TMEM52B: variants seen among roughly 807,000 people sequenced by gnomAD.
The protein encoded by TMEM52B is chromosome 12 open reading frame 59.
A neutral mutation model predicts 16.1 loss-of-function variants in TMEM52B; 11 were observed. The ratio of observed to expected loss-of-function variants is 0.68; its 90% CI spans 0.43 to 1.13. The LOEUF (loss-of-function observed/expected upper bound fraction) is 1.13, where lower values mean the gene tolerates loss of function less well. Ranked by LOEUF, TMEM52B falls within the 50% of genes most tolerant of loss-of-function variation. The probability of loss-of-function intolerance (pLI) is 0.00; values close to 1 mark genes in which losing one functional copy is unlikely to be tolerated. For missense variants in TMEM52B, 243 were observed against 230.4 expected (o/e 1.05, Z -0.35); for synonymous variants, 101 against 93.8 (o/e 1.08, Z -0.45).
At position 10,190,296 on chromosome 12, in the gene TMEM52B, A is replaced by T. The variant is rs186650278; in HGVS notation, c.*156A>T. The T allele has an allele frequency of 1.6e-3, 1,492 of 946,124 alleles. 5 individuals carry two copies. Among genetic ancestry groups the T allele is most frequent in the Non-Finnish European group, 2.1e-3 (1,356 of 648,866 alleles). The allele number at this position is 946,124 out of a possible 1,614,324, so 58.6% of individuals were successfully genotyped here. On this transcript the variant is annotated 3_prime_UTR_variant, in exon 5 of 5. Transcript: ENST00000543484. ...TCTTACTCTTCGTTCACAGGCCTTT[A>T]TATCTTCCGATACAGAATGCTCTAA...
exon 1 of TMEM52B, chr12:10,170,583 C>G (rs1177396262): frequency 2.6e-5 from 4 of 151,318 alleles, no homozygotes; most frequent in Admixed American, 2.0e-4. Flanking sequence ...CCTCCGCCTC[C>G]TGGGTTCGAG....
upstream of TMEM52B, among the ~76,000 whole-genome samples, chr12:10,178,223 G>T (rs1243953390): frequency 6.7e-6 from 1 of 149,530 alleles, no homozygotes; most frequent in African/African-American, 2.4e-5. Context: ...TTGTTTCATT[G>T]TAAGTATTCT....
At chr12:10,172,397 G>A (rs1316427856) in intron 1 of TMEM52B, 1 of 205,820 alleles carries the variant, frequency 4.9e-6, no homozygotes, top group Non-Finnish European at 9.9e-6. Context: ...TTCAGAGACA[G>A]AAACTGAAAT....
At chr12:10,185,430 AC>A in intron 3 of TMEM52B, 62 bp downstream of exon 3, 1 of 1,238,108 alleles carries the variant, frequency 8.1e-7, no homozygotes, top group Middle Eastern at 1.9e-4. Flanking sequence ...AAAAATGACA[AC>A]CTGCCTACTT....
intron 1 of TMEM52B, among the ~76,000 whole-genome samples, chr12:10,173,210 C>T (rs892104838): frequency 6.6e-6 from 1 of 152,082 alleles, no homozygotes; most frequent in Non-Finnish European, 1.5e-5. Flanking sequence ...TTGACAACCT[C>T]CTAACCAGAT....
chr12:10,180,994 A>G (rs2931824), intron 1 of TMEM52B, among the ~76,000 whole-genome samples: 18,285 of 151,940 alleles, frequency 0.12, 1,213 homozygotes, highest in South Asian at 0.22. Flanking sequence ...TTTAGTAGAG[A>G]TGGGGTTTCA....
At chr12:10,187,171 C>A (rs1040005362) in intron 4 of TMEM52B, among the ~76,000 whole-genome samples, 2 of 125,776 alleles carry the variant, frequency 1.6e-5, no homozygotes, top group African/African-American at 6.1e-5. Context: ...GGTGCAATCT[C>A]AGGCTCACTG....
upstream of TMEM52B, chr12:10,178,907 A>T (rs1165909892): frequency 6.6e-6 from 1 of 152,162 alleles, no homozygotes; most frequent in Non-Finnish European, 1.5e-5. Flanking sequence ...GCAACCTCTC[A>T]GTCTTACCCC....
At position 10,179,422 on chromosome 12, in the gene TMEM52B, CAGAGAGAACGAG is replaced by C; in HGVS notation, c.-144_-133del. The C allele has an allele frequency of 3.9e-6, 3 of 769,990 alleles. No individual in the cohort carries two copies. Among genetic ancestry groups the C allele is most frequent in the Non-Finnish European group, 6.8e-6 (3 of 444,104 alleles). 47.7% of individuals were successfully genotyped at this position (769,990 alleles called of 1,614,324 possible). ...AACAGCCAGAGCGAGTAGGAGGAGA[CAGAGAGAACGAG>C]AGAGAGAAAAGCTGATAAATTCCTG... On this transcript the variant is annotated 5_prime_UTR_variant, in exon 1 of 5. Coordinates refer to ENST00000543484, the MANE Select transcript of TMEM52B (RefSeq NM_001384896.1).
Position 10,182,540 on chromosome 12 carries a change from C to G in TMEM52B, c.55-10C>G. ...AATTTCCCTGTATAAGACAATTTCT[C>G]TTTCTACAGCTTTCTGGGACGAGAT... On this transcript the variant is annotated splice_polypyrimidine_tract_variant and intron_variant, in intron 1 of 4. Transcript: ENST00000543484. 1 of 1,534,790 alleles carries G rather than the reference C, an allele frequency of 6.5e-7. No individual in the cohort carries two copies. Among genetic ancestry groups the G allele is most frequent in the Non-Finnish European group, 8.7e-7 (1 of 1,146,092 alleles).
chr12:10,176,296 G>T (rs1948764939), upstream of TMEM52B, among the ~76,000 whole-genome samples: 1 of 151,670 alleles, frequency 6.6e-6, no homozygotes, highest in South Asian at 2.1e-4. Context: ...TCTTTCCAGG[G>T]ACTAATCTGG....
intron 4 of TMEM52B, among the ~76,000 whole-genome samples, chr12:10,189,641 A>AAAAG (rs1555091420): frequency 2.0e-5 from 3 of 147,228 alleles, no homozygotes; most frequent in African/African-American, 7.5e-5. Flanking sequence ...AAAAAAAAAA[A>AAAAG]AGAGAGAGAG....
intron 1 of TMEM52B, among the ~76,000 whole-genome samples, chr12:10,173,910 T>C (rs2742110): frequency 0.42 from 64,050 of 151,998 alleles, 14,885 homozygotes; most frequent in African/African-American, 0.62. Context: ...CATTTTTAGG[T>C]GTACTGTTCA....
intron 4 of TMEM52B, 144 bp downstream of exon 4, chr12:10,186,733 G>A: frequency 1.2e-6 from 1 of 822,106 alleles, no homozygotes; most frequent in Non-Finnish European, 1.7e-6. Context: ...GCCTGATGGT[G>A]CAGTGACCTG....
At chr12:10,174,325 A>G (rs560402979), upstream of TMEM52B, among the ~76,000 whole-genome samples, 4 of 152,260 alleles carry the variant, frequency 2.6e-5, no homozygotes, top group East Asian at 7.7e-4. Flanking sequence ...AGCCTCCCAC[A>G]GTGCTGGGAT....
intron 2 of TMEM52B, 142 bp from the exon 3 acceptor site, chr12:10,185,188 C>T: frequency 1.5e-6 from 1 of 654,076 alleles, no homozygotes; most frequent in Non-Finnish European, 2.7e-6. Context: ...CAACTAGCTA[C>T]AGTGAATTTT....
chr12:10,178,679 G>C (rs570724067), upstream of TMEM52B, among the ~76,000 whole-genome samples: 33 of 151,872 alleles, frequency 2.2e-4, no homozygotes, highest in Non-Finnish European at 3.7e-4. Context: ...GAGAAAGAAG[G>C]AACAAAGAAA....
In TMEM52B at chr12:10,186,550, G is replaced by A; in HGVS notation, c.268G>A (p.Ala90Thr). 6.2e-7 allele frequency: 1 copy of A among 1,608,378 alleles called. No individual in the cohort carries two copies. Among genetic ancestry groups the A allele is most frequent in the Non-Finnish European group, 8.5e-7 (1 of 1,175,624 alleles). Residue 90 changes from alanine to threonine, a missense_variant, in exon 4 of 5, where the codon GCT becomes ACT. By Grantham distance (58) the Ala-to-Thr change is moderately conservative. Transcript: ENST00000543484. ...ACCACCCTGTGAAGTGACCGTCATT[G>A]CTTTCGATCACGACAGCACTCTCCA... The part of the protein sequence containing the change: ...GPPPCEVTVI[A>T]FDHDSTLQST...
intron 1 of TMEM52B, among the ~76,000 whole-genome samples, chr12:10,172,803 G>A (rs1415909680): frequency 1.3e-5 from 2 of 152,068 alleles, no homozygotes; most frequent in African/African-American, 2.4e-5. Flanking sequence ...GGAAATTAGG[G>A]ATAATGTCTA....
Sources: allele counts gnomAD v4.1 joint callset (sites outside exome capture counted in the v4.1 genomes callset), GRCh38; gene constraint gnomAD v4.1.1; transcripts MANE v1.5; gene names NCBI Gene and HGNC (gene_info 2026-07-23, HGNC 2026-07-21).